Variants in LDB2 observed in about 807,000 individuals in gnomAD.
LDB2 encodes LIM domain-binding protein 2.
LDB2 carries 12 observed loss-of-function variants against 44.3 expected under a neutral mutation model. That is an observed-to-expected ratio of 0.27 (90% CI 0.17 to 0.44). The LOEUF (loss-of-function observed/expected upper bound fraction) is 0.44, where lower values mean the gene tolerates loss of function less well. LDB2 is among the 20% of genes least tolerant of loss of function. The pLI, the probability that LDB2 is intolerant of heterozygous loss-of-function variation, is 1.00. For synonymous variants in LDB2, 164 were observed against 174.8 expected, an observed-to-expected ratio of 0.94 and a Z score of 0.49; for missense variants, 344 against 473.5, an observed-to-expected ratio of 0.73 and a Z score of 2.54.
intron 1 of LDB2, among the ~76,000 whole-genome samples, chr4:16,880,093 C>A (rs908990493): frequency 3.9e-5 from 6 of 152,136 alleles, no homozygotes; most frequent in East Asian, 1.9e-4. Flanking sequence ...CCAAATCCTA[C>A]AATCCCTTAT....
chr4:16,565,872 C>G (rs1359523325), intron 5 of LDB2, among the ~76,000 whole-genome samples: 1 of 151,816 alleles, frequency 6.6e-6, no homozygotes, highest in Non-Finnish European at 1.5e-5. Flanking sequence ...GAAGAAAAGG[C>G]CCAATTTGTG....
At chr4:16,707,671 CTTT>C (rs1247666853) in intron 2 of LDB2, among the ~76,000 whole-genome samples, 4 of 146,544 alleles carry the variant, frequency 2.7e-5, no homozygotes, top group Non-Finnish European at 4.5e-5. Flanking sequence ...TTACACCTGT[CTTT>C]TTTTTTTTCT....
intron 2 of LDB2, among the ~76,000 whole-genome samples, chr4:16,746,041 G>T (rs913893337): frequency 2.0e-5 from 3 of 152,084 alleles, no homozygotes; most frequent in African/African-American, 4.8e-5. Context: ...CTGCTCCCAG[G>T]TTTGTACTGA....
intron 2 of LDB2, among the ~76,000 whole-genome samples, chr4:16,656,955 G>T (rs1740038721): frequency 6.6e-6 from 1 of 152,042 alleles, no homozygotes; most frequent in Non-Finnish European, 1.5e-5. Flanking sequence ...GAAAAATTGA[G>T]GTGAGAATCA....
At chr4:16,831,989 T>C (rs760754458) in intron 1 of LDB2, among the ~76,000 whole-genome samples, 14 of 152,206 alleles carry the variant, frequency 9.2e-5, no homozygotes, top group Non-Finnish European at 2.1e-4. Flanking sequence ...CCTTTGTACC[T>C]GCTGATCCTG....
At chr4:16,631,612 TA>T (rs1218012602) in intron 2 of LDB2, among the ~76,000 whole-genome samples, 5 of 151,852 alleles carry the variant, frequency 3.3e-5, no homozygotes, top group Non-Finnish European at 4.4e-5. Flanking sequence ...GATAAAGACT[TA>T]AAAAACCCTT....
chr4:16,636,699 AG>A (rs1733706185), intron 2 of LDB2, among the ~76,000 whole-genome samples: 1 of 152,160 alleles, frequency 6.6e-6, no homozygotes, highest in South Asian at 2.1e-4. Context: ...GGGGGACAAG[AG>A]GGGCAGTCTG....
intron 5 of LDB2, among the ~76,000 whole-genome samples, chr4:16,534,454 G>A (rs1007591203): frequency 2.6e-5 from 4 of 152,138 alleles, no homozygotes; most frequent in African/African-American, 9.7e-5. Context: ...CTCCAGCACT[G>A]GGGTAAGGGA....
chr4:16,876,728 GA>G (rs1040502561), intron 1 of LDB2, among the ~76,000 whole-genome samples: 2 of 151,812 alleles, frequency 1.3e-5, no homozygotes, highest in Admixed American at 1.3e-4. Flanking sequence ...TACATTAGGG[GA>G]AAAAGCATTA....
chr4:16,735,188 G>T (rs1761636769), intron 2 of LDB2, among the ~76,000 whole-genome samples: 2 of 152,112 alleles, frequency 1.3e-5, no homozygotes, highest in African/African-American at 2.4e-5. Flanking sequence ...CCTGCCCCTC[G>T]CATTTCACAT....
chr4:16,861,722 C>T (rs1036069073), intron 1 of LDB2, among the ~76,000 whole-genome samples: 1 of 152,192 alleles, frequency 6.6e-6, no homozygotes, highest in East Asian at 1.9e-4. Context: ...AGCCACGAGT[C>T]AGCTAGGTCC....
chr4:16,752,588 C>A, intron 2 of LDB2: 1 of 302,460 alleles, frequency 3.3e-6, no homozygotes, highest in Non-Finnish European at 6.5e-6. Flanking sequence ...TTAACTCACT[C>A]ACTTATTCTG....
chr4:16,888,204 G>A (rs1189595900), intron 1 of LDB2, among the ~76,000 whole-genome samples: 3 of 152,212 alleles, frequency 2.0e-5, no homozygotes, highest in Non-Finnish European at 4.4e-5. Flanking sequence ...GCCAGTGGGT[G>A]TGTGCTCTCC....
chr4:16,720,434 C>A (rs1332054971), intron 2 of LDB2, among the ~76,000 whole-genome samples: 1 of 152,144 alleles, frequency 6.6e-6, no homozygotes, highest in Non-Finnish European at 1.5e-5. Flanking sequence ...GCTAAGCCAT[C>A]CCCAACAATC....
At chr4:16,581,635 T>G (rs920196345) in intron 5 of LDB2, among the ~76,000 whole-genome samples, 5 of 152,188 alleles carry the variant, frequency 3.3e-5, no homozygotes, top group African/African-American at 1.2e-4. Context: ...CTGCCTTGTC[T>G]GCCTGATGAT....
chr4:16,587,778 G>A (rs537363561), intron 4 of LDB2, among the ~76,000 whole-genome samples: 1 of 152,042 alleles, frequency 6.6e-6, no homozygotes, highest in Non-Finnish European at 1.5e-5. Context: ...AAAAACATGG[G>A]GCAACTTACT....
chr4:16,593,714 C>G (rs996845), intron 3 of LDB2, among the ~76,000 whole-genome samples: 145,219 of 152,236 alleles, frequency 0.95, 69,610 homozygotes, highest in Non-Finnish European at 1. Context: ...CAAGGGAGCT[C>G]GGTTCAGGGG....
At chr4:16,717,356 T>C (rs1445157084) in intron 2 of LDB2, among the ~76,000 whole-genome samples, 1 of 152,084 alleles carries the variant, frequency 6.6e-6, no homozygotes, top group African/African-American at 2.4e-5. Flanking sequence ...TGGAGAAAAC[T>C]GGATTGTTAC....
chr4:16,877,101 CTGTTACCT>C (rs1377696083), intron 1 of LDB2, among the ~76,000 whole-genome samples: 6 of 152,134 alleles, frequency 3.9e-5, no homozygotes, highest in African/African-American at 1.4e-4. Flanking sequence ...ATTTTCAAAT[CTGTTACCT>C]TTAATATGCA....
Sources: allele counts gnomAD v4.1 joint callset (sites outside exome capture counted in the v4.1 genomes callset), GRCh38; gene constraint gnomAD v4.1.1; transcripts MANE v1.5; gene names NCBI Gene and HGNC (gene_info 2026-07-23, HGNC 2026-07-21).